AGBL4: variants seen among roughly 807,000 people sequenced by gnomAD.
AGBL4 encodes the protein AGBL carboxypeptidase 4.
AGBL4 carries 58 observed loss-of-function variants against 66.4 expected under a neutral mutation model. The observed-to-expected ratio is 0.87, with a 90% confidence interval of 0.71 to 1.09. The LOEUF is 1.09. Ranked by LOEUF, AGBL4 falls within the 50% of genes least tolerant of loss-of-function variation. AGBL4 has a pLI of 0.00. For missense variants in AGBL4, 579 were observed against 631.0 expected, an observed-to-expected ratio of 0.92 and a Z score of 0.88; for synonymous variants, 234 against 222.9, an observed-to-expected ratio of 1.05 and a Z score of -0.44.
chr1:49,937,302 T>C (rs1397739756), intron 1 of AGBL4, among the ~76,000 whole-genome samples: 1 of 152,090 alleles, frequency 6.6e-6, no homozygotes, highest in Non-Finnish European at 1.5e-5. Context: ...ATCCTAAATA[T>C]ATATGCACCC....
chr1:49,746,856 G>A (rs1372246767), intron 2 of AGBL4, among the ~76,000 whole-genome samples: 1 of 152,062 alleles, frequency 6.6e-6, no homozygotes. Flanking sequence ...AGCTGAGATT[G>A]TAAAAGTTGT....
At chr1:49,695,537 G>A (rs1307256732) in intron 3 of AGBL4, among the ~76,000 whole-genome samples, 1 of 152,084 alleles carries the variant, frequency 6.6e-6, no homozygotes, top group Non-Finnish European at 1.5e-5. Context: ...GGTAAAGAGA[G>A]GGTTTTCCTA....
At chr1:48,919,367 T>G (rs1339209747) in intron 5 of AGBL4, among the ~76,000 whole-genome samples, 1 of 152,242 alleles carries the variant, frequency 6.6e-6, no homozygotes, top group African/African-American at 2.4e-5. Flanking sequence ...TGGTGAAGCT[T>G]TGACCAAACT....
chr1:49,484,715 T>C (rs1265061372), intron 3 of AGBL4, among the ~76,000 whole-genome samples: 2 of 151,946 alleles, frequency 1.3e-5, no homozygotes, highest in Non-Finnish European at 2.9e-5. Context: ...TCAATAATAA[T>C]TTAATTGTAC....
chr1:49,959,639 A>C (rs940865257), intron 1 of AGBL4, among the ~76,000 whole-genome samples: 1 of 152,078 alleles, frequency 6.6e-6, no homozygotes, highest in Non-Finnish European at 1.5e-5. Context: ...TCCTCGAAGA[A>C]CTTAAAACAA....
intron 3 of AGBL4, among the ~76,000 whole-genome samples, chr1:49,393,140 C>A (rs1644885071): frequency 1.3e-5 from 2 of 152,132 alleles, no homozygotes; most frequent in South Asian, 4.1e-4. Context: ...AAGCTTGACA[C>A]ATAGTAGGCA....
chr1:48,741,322 T>G (rs1163173706), intron 6 of AGBL4, among the ~76,000 whole-genome samples: 1 of 152,368 alleles, frequency 6.6e-6, no homozygotes, highest in African/African-American at 2.4e-5. Flanking sequence ...CAGACAAGGA[T>G]GCCGAGACCC....
intron 5 of AGBL4, among the ~76,000 whole-genome samples, chr1:48,994,368 T>C (rs1415068907): frequency 2.6e-5 from 4 of 152,234 alleles, no homozygotes; most frequent in Non-Finnish European, 5.9e-5. Flanking sequence ...CCCTGTACTA[T>C]GCTTATAGCA....
intron 1 of AGBL4, among the ~76,000 whole-genome samples, chr1:49,958,332 T>A (rs191787770): frequency 6.6e-6 from 1 of 152,058 alleles, no homozygotes; most frequent in Non-Finnish European, 1.5e-5. Context: ...CTGACAATTA[T>A]GTGTCTTGGA....
intron 5 of AGBL4, among the ~76,000 whole-genome samples, chr1:48,884,292 T>G (rs1650076654): frequency 8.1e-6 from 1 of 124,184 alleles, no homozygotes; most frequent in Non-Finnish European, 2.0e-5. Flanking sequence ...TTGTTTTTGT[T>G]TGTTTGTTTT....
At chr1:48,589,441 G>A (rs146271616) in intron 10 of AGBL4, among the ~76,000 whole-genome samples, 1 of 152,226 alleles carries the variant, frequency 6.6e-6, no homozygotes, top group African/African-American at 2.4e-5. Context: ...TGACCTTTGT[G>A]GGCCTCTGCC....
intron 3 of AGBL4, among the ~76,000 whole-genome samples, chr1:49,259,335 T>G (rs1013750010): frequency 2.0e-5 from 3 of 152,070 alleles, no homozygotes; most frequent in African/African-American, 7.2e-5. Context: ...ATGGACTAAA[T>G]GCTCCAATTA....
At chr1:48,711,579 A>G (rs1399145557) in intron 6 of AGBL4, among the ~76,000 whole-genome samples, 1 of 152,048 alleles carries the variant, frequency 6.6e-6, no homozygotes, top group Non-Finnish European at 1.5e-5. Flanking sequence ...TTATCCCAGC[A>G]ATTGCTGCTC....
At chr1:49,198,668 T>C (rs902499242) in intron 4 of AGBL4, among the ~76,000 whole-genome samples, 7 of 152,166 alleles carry the variant, frequency 4.6e-5, no homozygotes, top group Non-Finnish European at 7.3e-5. Context: ...CTATTTTGTT[T>C]CTTCCAAGTG....
chr1:48,903,363 A>AT (rs1456610762), intron 5 of AGBL4, among the ~76,000 whole-genome samples: 2 of 152,214 alleles, frequency 1.3e-5, no homozygotes, highest in Middle Eastern at 3.2e-3. Context: ...TGACAGCCTC[A>AT]GCTTTGAGCC....
At chr1:48,726,745 A>G (rs927834957) in intron 6 of AGBL4, among the ~76,000 whole-genome samples, 5 of 152,266 alleles carry the variant, frequency 3.3e-5, no homozygotes, top group African/African-American at 1.2e-4. Flanking sequence ...GACCCATTAG[A>G]GAAACCAGAG....
In AGBL4 at chr1:48,596,989, C is replaced by T. The variant is rs17104562; in HGVS notation, c.952-6004G>A. Among the ~76,000 whole-genome samples the T allele has an allele frequency of 5.2e-3, 791 of 152,272 alleles. 23 individuals are homozygous for T. In the South Asian group the frequency reaches 0.077, roughly 15 times the overall value. Reference sequence around the variant, plus strand: ...CTACACTCTGGCCTTCTAGAACCGCCGTAACTTCCCAAGCACACTGGTGTT... The same window carrying T: ...CTACACTCTGGCCTTCTAGAACCGCTGTAACTTCCCAAGCACACTGGTGTT... On this transcript the variant is annotated intron_variant, in intron 9 of 13. Transcript: ENST00000371839.
At chr1:48,696,723 C>A (rs1646719114) in intron 6 of AGBL4, among the ~76,000 whole-genome samples, 1 of 152,130 alleles carries the variant, frequency 6.6e-6, no homozygotes, top group African/African-American at 2.4e-5. Context: ...TCAGGCATCA[C>A]CGGAGTGAGA....
rs113390533 is a variant in AGBL4 at position 48,960,319 on chromosome 1, G to T, written c.594+85265C>A. On this transcript the variant is annotated intron_variant, in intron 5 of 13. Coordinates refer to ENST00000371839, the MANE Select transcript of AGBL4 (RefSeq NM_032785.4). The stretch of plus-strand genomic sequence containing the variant: ...GAGACTTTGGGGAAGTGGTTTGGGG[G>T]ATTAGAAATTATGTTTGCTTTTGGA... 1.1e-3 allele frequency among the ~76,000 whole-genome samples: 174 copies of T among 152,204 alleles called. 1 individual carries two copies. Among genetic ancestry groups the T allele is most frequent in the African/African-American group, 3.5e-3 (146 of 41,540 alleles).
Sources: allele counts gnomAD v4.1 joint callset (sites outside exome capture counted in the v4.1 genomes callset), GRCh38; gene constraint gnomAD v4.1.1; transcripts MANE v1.5; gene names NCBI Gene and HGNC (gene_info 2026-07-23, HGNC 2026-07-21).